Variants in FLG observed in about 807,000 individuals in gnomAD.
FLG encodes filaggrin.
FLG carries 6 observed loss-of-function variants against 3.8 expected under a neutral mutation model. The observed-to-expected ratio is 1.60, with a 90% CI of 0.87 to 3.15. The LOEUF is 3.15. FLG is among the 30% of genes most tolerant of loss of function. The pLI, the probability that FLG is intolerant of heterozygous loss-of-function variation, is 0.00. For synonymous variants in FLG, 2,551 were observed against 1,931.6 expected, an observed-to-expected ratio of 1.32 and a Z score of -8.41; for missense variants, 7,595 against 5,050.9, an observed-to-expected ratio of 1.50 and a Z score of -15.27.
At chr1:152,322,973 GTGTTATAAAGGAAGAAAATA>G (rs2101659199) in intron 1 of FLG, among the ~76,000 whole-genome samples, 1 of 151,578 alleles carries the variant, frequency 6.6e-6, no homozygotes, top group African/African-American at 2.4e-5. Context: ...ATAGCAAGGT[GTGTTATAAAGGAAGAAAATA>G]TGGCATGATG....
chr1:152,307,451 C>G lies in FLG; in HGVS notation c.7435G>C (p.Glu2479Gln). 1 of 1,613,266 alleles carries G rather than the reference C, an allele frequency of 6.2e-7. No homozygotes were observed. Among genetic ancestry groups the G allele is most frequent in the Non-Finnish European group, 8.5e-7 (1 of 1,179,720 alleles). ...TGTCCAGATCTATCTACCAATTGCT[C>G]GTAGTGGGATCCCTGCCTTCCTCCA... The part of the protein sequence containing the change: ...SSGGRQGSHY[E>Q]QLVDRSGHSG... The change falls in exon 3 of 3, where the codon GAG becomes CAG. Residue 2479 changes from glutamate (E) to glutamine (Q), a missense_variant. Coordinates refer to ENST00000368799, the MANE Select transcript of FLG (RefSeq NM_002016.2).
rs1364746842 is a variant in FLG, at chr1:152,304,669, C to T, written c.10217G>A (p.Ser3406Asn). Residue 3406 changes from serine to asparagine, a missense_variant, in exon 3 of 3, where the codon AGC (serine) becomes AAC (asparagine). Coordinates refer to ENST00000368799, the MANE Select transcript of FLG (RefSeq NM_002016.2). ...SESAHGRTRTSTGRRQGSHHE... is the reference protein window; with the variant it reads ...SESAHGRTRTNTGRRQGSHHE... ...GTGGGATCCTTGTCTTCGTCCAGTG[C>T]TGGTCCTGGTCCGCCCATGGGCAGA... is the stretch of plus-strand genomic sequence containing the variant. 3.7e-6 allele frequency: 6 copies of T among 1,611,986 alleles called. No individual in the cohort carries two copies. Among genetic ancestry groups the T allele is most frequent in the East Asian group, 2.2e-5 (1 of 44,618 alleles).
In FLG at chr1:152,307,231, C is replaced by T; in HGVS notation, c.7655G>A (p.Gly2552Glu). 6.2e-7 allele frequency: 1 copy of T among 1,612,874 alleles called. No homozygotes were observed. The highest frequency in any genetic ancestry group is 8.5e-7 in the Non-Finnish European group (1 of 1,180,000). ...GCTTGTCCTGGGCCCCTCTGATTGTCCCTGGCCCACCTGCGAGTGTCCAGA... is the reference window on the plus strand; with the variant it reads ...GCTTGTCCTGGGCCCCTCTGATTGTTCCTGGCCCACCTGCGAGTGTCCAGA... ...DSSGHSQVGQ[G>E]QSEGPRTSRN... The change falls in exon 3 of 3, where the codon GGA becomes GAA. Residue 2552 changes from glycine to glutamate, a missense_variant. Physicochemically the swap from Gly to Glu is moderately conservative, Grantham distance 98. Coordinates refer to ENST00000368799, the MANE Select transcript of FLG (RefSeq NM_002016.2).
rs867126193 is a variant in FLG, at chr1:152,308,275, C to A, written c.6611G>T (p.Arg2204Met). The change falls in exon 3 of 3, where the codon AGG becomes ATG. Residue 2204 changes from arginine to methionine, a missense_variant. Arg to Met is a moderately conservative substitution (Grantham distance 91, BLOSUM62 -1). Transcript: ENST00000368799. ...YDKEQSGDGS[R>M]HSGSHHHEAS... ...TTCATGATGATGCGACCCTGAGTGC[C>A]TAGAGCCATCTCCTGATTGTTCCTT... The A allele has an allele frequency of 6.2e-7, 1 of 1,613,264 alleles. No individual in the cohort carries two copies. Among genetic ancestry groups the A allele is most frequent in the South Asian group, 1.1e-5 (1 of 91,058 alleles).
At position 152,304,078 on chromosome 1, in the gene FLG, G is replaced by C. The variant is rs1403630674; in HGVS notation, c.10808C>G (p.Ala3603Gly). The C allele has an allele frequency of 6.2e-7, 1 of 1,612,064 alleles. No individual in the cohort carries two copies. The highest frequency in any genetic ancestry group is 1.3e-5 in the African/African-American group (1 of 74,472). Residue 3603 changes from alanine to glycine, a missense_variant, in exon 3 of 3, where the codon GCA (alanine) becomes GGA (glycine). Coordinates refer to ENST00000368799, the MANE Select transcript of FLG (RefSeq NM_002016.2). Reference protein sequence around the residue: ...ESSRQSGTHHAENSSGGQAAS... With the variant: ...ESSRQSGTHHGENSSGGQAAS... Reference sequence around the variant, plus strand: ...AGCCTGTCCACCAGAGGAATTCTCTGCATGATGAGTGCCTGATTGTCTGGA... The same window carrying C: ...AGCCTGTCCACCAGAGGAATTCTCTCCATGATGAGTGCCTGATTGTCTGGA...
Position 152,309,948 on chromosome 1 carries a change from AG to A in FLG, c.4937del (p.Ser1646LeufsTer60), listed in dbSNP as rs776060660. The A allele has an allele frequency of 1.2e-6, 2 of 1,614,030 alleles. No individual in the cohort carries two copies. Among genetic ancestry groups the A allele is most frequent in the Non-Finnish European group, 1.7e-6 (2 of 1,179,990 alleles). ...TGCCTGATTGTCTGGAGCTCTCTGCAGAGTGCCCATGACTGGCTCTATCTTC... is the reference window on the plus strand; with the variant it reads ...TGCCTGATTGTCTGGAGCTCTCTGCAAGTGCCCATGACTGGCTCTATCTTC... ...HQEDRASHGH[S>X]AESSRQSGTR... On this transcript the variant is annotated frameshift_variant, in exon 3 of 3. Transcript: ENST00000368799. LOFTEE classifies it low-confidence loss of function (END_TRUNC).
In FLG at chr1:152,310,466, G is replaced by A. The variant is rs146686141; in HGVS notation, c.4420C>T (p.Arg1474Ter). ...GRQGSRHEQARNSSRHSASQD... is the reference protein window; with the variant it reads ...GRQGSRHEQA The stretch of plus-strand genomic sequence containing the variant: ...GATGCTGAGTGCCTAGAGCTGTTTC[G>A]TGCCTGCTCATGGCGGGATCCTTGT... Residue 1474 changes from arginine (R) to a stop codon, truncating the protein, a stop_gained, in exon 3 of 3, where the codon CGA becomes TGA. Coordinates refer to ENST00000368799, the MANE Select transcript of FLG (RefSeq NM_002016.2). LOFTEE classifies it low-confidence loss of function (END_TRUNC). The A allele has an allele frequency of 3.5e-4, 570 of 1,613,370 alleles. No individual in the cohort carries two copies. The highest frequency in any genetic ancestry group is 4.5e-4 in the Non-Finnish European group (536 of 1,179,766).
Position 152,303,229 on chromosome 1 carries a change from T to G in FLG, c.11657A>C (p.Asn3886Thr). The G allele has an allele frequency of 6.2e-7, 1 of 1,613,804 alleles. No individual in the cohort carries two copies. The highest frequency in any genetic ancestry group is 8.5e-7 in the Non-Finnish European group (1 of 1,179,958). ...SERRSESASR[N>T]HHGSSREQSR... ...CTGCTCCCGAGAAGATCCATGATGG[T>G]TTCTGGAAGCAGACTCAGATCGCCT... Residue 3886 changes from asparagine (N) to threonine (T), a missense_variant, in exon 3 of 3, where the codon AAC (asparagine) becomes ACC (threonine). Physicochemically the swap from Asn to Thr is moderately conservative, Grantham distance 65. Coordinates refer to ENST00000368799, the MANE Select transcript of FLG (RefSeq NM_002016.2).
rs746364155 is a variant in FLG at position 152,311,843 on chromosome 1, C to T, written c.3043G>A (p.Gly1015Ser). 7 of 1,613,952 alleles carry T rather than the reference C, an allele frequency of 4.3e-6. No homozygotes were observed. Among genetic ancestry groups the T allele is most frequent in the Admixed American group, 3.3e-5 (2 of 60,002 alleles). ...SGTPHAETSS[G>S]GQAASSHEQA... The stretch of plus-strand genomic sequence containing the variant: ...TCATGGGATGACGCAGCCTGTCCAC[C>T]AGAGGAAGTCTCTGCGTGAGGAGTT... Residue 1015 changes from glycine to serine, a missense_variant, in exon 3 of 3, where the codon GGT (glycine) becomes AGT (serine). By Grantham distance (56) the Gly-to-Ser change is moderately conservative. Transcript: ENST00000368799.
rs759853590 is a variant in FLG, at chr1:152,312,136, G to A, written c.2750C>T (p.Ser917Phe). 1.2e-6 allele frequency: 2 copies of A among 1,613,928 alleles called. No individual in the cohort carries two copies. The highest frequency in any genetic ancestry group is 1.3e-5 in the African/African-American group (1 of 74,894). ...GTGTCTAGAGATGTCGGCATGAGAG[G>A]AAGCTTCATGGTGACGTGACCCTGA... ...RHSGSRHHEA[S>F]SHADISRHSQ... Residue 917 changes from serine (S) to phenylalanine (F), a missense_variant, in exon 3 of 3, where the codon TCC (serine) becomes TTC (phenylalanine). Physicochemically the swap from Ser to Phe is radical, Grantham distance 155. Coordinates refer to ENST00000368799, the MANE Select transcript of FLG (RefSeq NM_002016.2).
At position 152,310,161 on chromosome 1, in the gene FLG, C is replaced by G. The variant is rs770781388; in HGVS notation, c.4725G>C (p.Gln1575His). The change falls in exon 3 of 3, where the codon CAG becomes CAC. Residue 1575 changes from glutamine (Q) to histidine (H), a missense_variant. Transcript: ENST00000368799. ...ACCCCGCTGATTCTCCCTGGCCCAC[C>G]TGTGAGTGTCTAGAGCTGCCGGCCC... ...STRAGSSRHS[Q>H]VGQGESAGSK... is the part of the protein sequence containing the mutation. 1 of 1,613,926 alleles carries G rather than the reference C, an allele frequency of 6.2e-7. No individual in the cohort carries two copies. The highest frequency in any genetic ancestry group is 2.2e-5 in the East Asian group (1 of 44,826).
rs1557870839 is a variant in FLG at position 152,304,298 on chromosome 1, T to A, written c.10588A>T (p.Arg3530Trp). ...CTGGATCCCTGGTTCCTGCTTGTCC[T>A]GGGCCCCGCTGATTGTCCCTGGCCG... ...QSGQGQSAGPRTSRNQGSSVS... is the reference protein window; with the variant it reads ...QSGQGQSAGPWTSRNQGSSVS... Residue 3530 changes from arginine to tryptophan, a missense_variant, in exon 3 of 3, where the codon AGG (arginine) becomes TGG (tryptophan). Transcript: ENST00000368799. 1 of 1,612,514 alleles carries A rather than the reference T, an allele frequency of 6.2e-7. No individual in the cohort carries two copies. Among genetic ancestry groups the A allele is most frequent in the East Asian group, 2.2e-5 (1 of 44,734 alleles).
rs1443883943 is a variant in FLG, at chr1:152,305,125, G to T, written c.9761C>A (p.Pro3254His). 6.2e-7 allele frequency: 1 copy of T among 1,613,912 alleles called. No homozygotes were observed. The change falls in exon 3 of 3, where the codon CCC (proline) becomes CAC (histidine). Residue 3254 changes from proline (P) to histidine (H), a missense_variant. By Grantham distance (77) the Pro-to-His change is moderately conservative. Transcript: ENST00000368799. ...GGCTCTGTCTTCGTGATGGGACCTGGGGTGTCTGGAGCCGTGCCTTGACTG... is the reference window on the plus strand; with the variant it reads ...GGCTCTGTCTTCGTGATGGGACCTGTGGTGTCTGGAGCCGTGCCTTGACTG... ...QEQSRHGSRH[P>H]RSHHEDRAGH...
rs1652243914 is a variant in FLG at position 152,309,581 on chromosome 1, C to A, written c.5305G>T (p.Val1769Leu). ...GACTCAGACTGTTCATGAGTGCTCA[C>A]CTGGTAGAGGAAAGACCCTGAACGT... ...SGRSGSFLYQ[V>L]STHEQSESAH... The change falls in exon 3 of 3, where the codon GTG (valine) becomes TTG (leucine). Residue 1769 changes from valine (V) to leucine (L), a missense_variant. Val to Leu is a conservative substitution (Grantham distance 32). Transcript: ENST00000368799. The A allele has an allele frequency of 7.4e-6, 12 of 1,613,890 alleles. No homozygotes were observed. Among genetic ancestry groups the A allele is most frequent in the Non-Finnish European group, 1.0e-5 (12 of 1,179,964 alleles).
Position 152,308,468 on chromosome 1 carries a change from C to T in FLG, c.6418G>A (p.Gly2140Arg). ...CCTCCTCTGCTTGGCCCCGGGTGTC[C>T]ACGAATGGTGTCCTGACCCTCTTGG... ...ASQEGQDTIR[G>R]HPGPSRGGRQ... The change falls in exon 3 of 3, where the codon GGA (glycine) becomes AGA (arginine). Residue 2140 changes from glycine (G) to arginine (R), a missense_variant. Physicochemically the swap from Gly to Arg is moderately radical, Grantham distance 125. Coordinates refer to ENST00000368799, the MANE Select transcript of FLG (RefSeq NM_002016.2). 10 of 1,613,824 alleles carry T rather than the reference C, an allele frequency of 6.2e-6. No individual in the cohort carries two copies. In the South Asian group the frequency reaches 7.7e-5, roughly 12 times the overall value.
Position 152,314,684 on chromosome 1 carries a change from T to G in FLG, c.202A>C (p.Lys68Gln). The G allele has an allele frequency of 6.2e-7, 1 of 1,614,104 alleles. No individual in the cohort carries two copies. The highest frequency in any genetic ancestry group is 8.5e-7 in the Non-Finnish European group (1 of 1,179,978). ...AGAAGAAACTCAGTGAAGTCAATTTTCTTGTTGTGGTCTATATCCAAGTGA... is the reference window on the plus strand; with the variant it reads ...AGAAGAAACTCAGTGAAGTCAATTTGCTTGTTGTGGTCTATATCCAAGTGA... ...MDHLDIDHNK[K>Q]IDFTEFLLMV... The change falls in exon 3 of 3, where the codon AAA (lysine) becomes CAA (glutamine). Residue 68 changes from lysine (K) to glutamine (Q), a missense_variant. Lys to Gln is a moderately conservative substitution (Grantham distance 53). Coordinates refer to ENST00000368799, the MANE Select transcript of FLG (RefSeq NM_002016.2).
chr1:152,311,487 C>G lies in FLG; in HGVS notation c.3399G>C (p.Arg1133=). ...THEQSESAHG[R]TRTSTGRRQG... ...GTCTTCGTCCAGTGCTGGTCCTGGTCCGCCCATGGGCAGACTCAGACTGTT... is the reference window on the plus strand; with the variant it reads ...GTCTTCGTCCAGTGCTGGTCCTGGTGCGCCCATGGGCAGACTCAGACTGTT... The change falls in exon 3 of 3, where the codon CGG becomes CGC. Residue 1133 remains arginine, a synonymous_variant. Transcript: ENST00000368799. 6.2e-7 allele frequency: 1 copy of G among 1,613,914 alleles called. No homozygotes were observed. The highest frequency in any genetic ancestry group is 8.5e-7 in the Non-Finnish European group (1 of 1,179,970).
Position 152,309,998 on chromosome 1 carries a change from A to G in FLG, c.4888T>C (p.Ser1630Pro). ...GSAREQSRHG[S>P]RNPRSHQEDR... ...TCTTGATGGGACCTGGGGTTCCTGGAGCCATGTCTTGACTGCTCCCGAGCA... is the reference window on the plus strand; with the variant it reads ...TCTTGATGGGACCTGGGGTTCCTGGGGCCATGTCTTGACTGCTCCCGAGCA... Residue 1630 changes from serine (S) to proline (P), a missense_variant, in exon 3 of 3, where the codon TCC becomes CCC. Coordinates refer to ENST00000368799, the MANE Select transcript of FLG (RefSeq NM_002016.2). 1 of 1,613,632 alleles carries G rather than the reference A, an allele frequency of 6.2e-7. No homozygotes were observed. The highest frequency in any genetic ancestry group is 8.5e-7 in the Non-Finnish European group (1 of 1,179,942).
At chr1:152,315,920 T>C (rs1421161520) in intron 1 of FLG, among the ~76,000 whole-genome samples, 1 of 152,244 alleles carries the variant, frequency 6.6e-6, no homozygotes, top group Non-Finnish European at 1.5e-5. Flanking sequence ...CAGTTAGCCA[T>C]ATGACAAGAT....
Sources: allele counts gnomAD v4.1 joint callset (sites outside exome capture counted in the v4.1 genomes callset), GRCh38; gene constraint gnomAD v4.1.1; transcripts MANE v1.5; gene names NCBI Gene and HGNC (gene_info 2026-07-23, HGNC 2026-07-21).